The following ECT2L variants were observed in gnomAD, a reference collection of about 807,000 sequenced individuals.
ECT2L encodes epithelial cell transforming 2 like.
A neutral mutation model predicts 122.8 loss-of-function variants in ECT2L; 126 were observed. The ratio of observed to expected loss-of-function variants is 1.03; its 90% CI spans 0.89 to 1.19. The LOEUF (loss-of-function observed/expected upper bound fraction) is 1.19. Ranked by LOEUF, ECT2L falls within the 50% of genes most tolerant of loss-of-function variation. The pLI is 0.00. For synonymous variants in ECT2L, 385 were observed against 381.8 expected (o/e 1.01, Z -0.10); for missense variants, 1,012 against 1,064.1 (o/e 0.95, Z 0.68).
intron 4 of ECT2L, among the ~76,000 whole-genome samples, chr6:138,831,249 TC>T (rs1293822429): frequency 6.6e-6 from 1 of 152,246 alleles, no homozygotes; most frequent in Non-Finnish European, 1.5e-5. Context: ...CTAATTGGTC[TC>T]CCCATCATTC....
intron 8 of ECT2L, among the ~76,000 whole-genome samples, chr6:138,848,281 C>A (rs1219299702): frequency 6.6e-6 from 1 of 152,110 alleles, no homozygotes; most frequent in Non-Finnish European, 1.5e-5. Context: ...AAAAAAGGAG[C>A]ATGCTGATTA....
At chr6:138,857,377 G>A (rs1582622067) in intron 10 of ECT2L, among the ~76,000 whole-genome samples, 1 of 152,112 alleles carries the variant, frequency 6.6e-6, no homozygotes, top group Non-Finnish European at 1.5e-5. Context: ...TAAGTCTGGG[G>A]TGGGGCTGGA....
chr6:138,840,481 G>C (rs1477016020), intron 5 of ECT2L, among the ~76,000 whole-genome samples: 1 of 152,040 alleles, frequency 6.6e-6, no homozygotes, highest in African/African-American at 2.4e-5. Flanking sequence ...TCTAGCACAA[G>C]TGTGCTGCTA....
Position 138,864,979 on chromosome 6 carries a change from G to T in ECT2L, c.1292-17G>T, listed in dbSNP as rs760747509. 2.5e-6 allele frequency: 4 copies of T among 1,603,198 alleles called. No homozygotes were observed. The highest frequency in any genetic ancestry group is 3.4e-6 in the Non-Finnish European group (4 of 1,173,974). The stretch of plus-strand genomic sequence containing the variant: ...TGAGCTCAAGCCTGCAATAATAACA[G>T]AAGAAAATCATGTCAGTTCTTAGTG... On this transcript the variant is annotated splice_polypyrimidine_tract_variant and intron_variant, in intron 11 of 21. Coordinates refer to ENST00000541398, the MANE Select transcript of ECT2L (RefSeq NM_001077706.3).
At chr6:138,809,526 T>G (rs1300026143) in intron 1 of ECT2L, among the ~76,000 whole-genome samples, 3 of 152,232 alleles carry the variant, frequency 2.0e-5, no homozygotes, top group African/African-American at 4.8e-5. Flanking sequence ...TCTCTTTTTT[T>G]TTGTTCATAA....
chr6:138,821,407 A>C (rs1776264021), intron 4 of ECT2L, among the ~76,000 whole-genome samples: 1 of 152,060 alleles, frequency 6.6e-6, no homozygotes, highest in Non-Finnish European at 1.5e-5. Flanking sequence ...CTCTGTAGCC[A>C]TGGCTTTCTC....
In ECT2L at chr6:138,881,105, C is replaced by A; in HGVS notation, c.1814C>A (p.Ala605Glu). Residue 605 changes from alanine (A) to glutamate (E), a missense_variant, in exon 15 of 22, where the codon GCG becomes GAG. By Grantham distance (107) the Ala-to-Glu change is moderately radical (BLOSUM62 -1). Coordinates refer to ENST00000541398, the MANE Select transcript of ECT2L (RefSeq NM_001077706.3). Reference protein sequence around the residue: ...PLKAALSSNRAILSAANIQII... With the variant: ...PLKAALSSNREILSAANIQII... ...AAAGCAGCATTGTCATCAAACAGAGCGATTCTGAGTGCTGCCAATATCCAG... is the reference window on the plus strand; with the variant it reads ...AAAGCAGCATTGTCATCAAACAGAGAGATTCTGAGTGCTGCCAATATCCAG... 1.2e-6 allele frequency: 2 copies of A among 1,614,082 alleles called. No individual in the cohort carries two copies. Among genetic ancestry groups the A allele is most frequent in the Non-Finnish European group, 1.7e-6 (2 of 1,180,006 alleles).
chr6:138,846,642 TTCATGTTAATA>T lies in ECT2L; in HGVS notation c.873_883del (p.Met291IlefsTer7), dbSNP rs1777232345. The T allele has an allele frequency of 6.2e-7, 1 of 1,609,236 alleles. No individual in the cohort carries two copies. The highest frequency in any genetic ancestry group is 1.1e-5 in the South Asian group (1 of 90,036). On this transcript the variant is annotated frameshift_variant, in exon 8 of 22. Coordinates refer to ENST00000541398, the MANE Select transcript of ECT2L (RefSeq NM_001077706.3). LOFTEE classifies it high-confidence loss of function. ...ATCTTCATATGCTCTCCGGCCACAC[TTCATGTTAATA>T]TCATCCCGGATTCCTGCGTATGAGG...
In ECT2L at chr6:138,901,049, AAAC is replaced by A; in HGVS notation, c.2520_2522del (p.Thr841del). 1.9e-6 allele frequency: 3 copies of A among 1,614,162 alleles called. No homozygotes were observed. The highest frequency in any genetic ancestry group is 2.5e-6 in the Non-Finnish European group (3 of 1,180,020). Reference sequence around the variant, plus strand: ...CACACTCCATTTGAGAGGACTTCAAAAACAACCTACCAGTTCATTGCATCAGTG... The same window carrying A: ...CACACTCCATTTGAGAGGACTTCAAAAACCTACCAGTTCATTGCATCAGTG... On this transcript the variant is annotated inframe_deletion, in exon 21 of 22. Coordinates refer to ENST00000541398, the MANE Select transcript of ECT2L (RefSeq NM_001077706.3).
chr6:138,830,647 G>A (rs11155012), intron 4 of ECT2L, among the ~76,000 whole-genome samples: 32,992 of 151,966 alleles, frequency 0.22, 4,060 homozygotes, highest in Middle Eastern at 0.29. Flanking sequence ...TGCAGTTTTC[G>A]GTATGAACAA....
At chr6:138,878,198 A>G (rs1778520965) in intron 14 of ECT2L, among the ~76,000 whole-genome samples, 1 of 152,142 alleles carries the variant, frequency 6.6e-6, no homozygotes, top group African/African-American at 2.4e-5. Context: ...TATAAGAGGT[A>G]TGTACGAAAA....
Position 138,864,994 on chromosome 6 carries a change from A to G in ECT2L, c.1292-2A>G. 6.2e-7 allele frequency: 1 copy of G among 1,610,882 alleles called. No homozygotes were observed. Among genetic ancestry groups the G allele is most frequent in the South Asian group, 1.1e-5 (1 of 90,864 alleles). ...AATAATAACAGAAGAAAATCATGTC[A>G]GTTCTTAGTGATTGGCTGGGATCCC... On this transcript the variant is annotated splice_acceptor_variant, in intron 11 of 21. Coordinates refer to ENST00000541398, the MANE Select transcript of ECT2L (RefSeq NM_001077706.3). LOFTEE classifies it high-confidence loss of function.
chr6:138,841,789 T>C (rs1199257973), intron 5 of ECT2L, among the ~76,000 whole-genome samples: 1 of 152,228 alleles, frequency 6.6e-6, no homozygotes, highest in East Asian at 1.9e-4. Context: ...GATAGCTCTA[T>C]AATATAGCCT....
intron 20 of ECT2L, among the ~76,000 whole-genome samples, chr6:138,899,048 C>G (rs1245244800): frequency 4.0e-5 from 6 of 151,896 alleles, no homozygotes; most frequent in African/African-American, 1.5e-4. Flanking sequence ...AGCCTTTGAC[C>G]AATCCGTCCT....
chr6:138,896,505 T>C (rs945473497), intron 20 of ECT2L, among the ~76,000 whole-genome samples: 6 of 152,214 alleles, frequency 3.9e-5, no homozygotes, highest in African/African-American at 9.6e-5. Context: ...TCAAGGATAC[T>C]AGACTTTGGT....
At chr6:138,893,801 G>A (rs1360050597) in intron 20 of ECT2L, among the ~76,000 whole-genome samples, 2 of 152,094 alleles carry the variant, frequency 1.3e-5, no homozygotes, top group East Asian at 3.9e-4. Flanking sequence ...CATTGTGTGA[G>A]CCCAGAGTTA....
chr6:138,839,625 T>C (rs150884496), intron 5 of ECT2L, among the ~76,000 whole-genome samples: 4,887 of 152,178 alleles, frequency 0.032, 219 homozygotes, highest in African/African-American at 0.11. Context: ...CGGCCTCCCA[T>C]AGTACTGGGA....
intron 16 of ECT2L, among the ~76,000 whole-genome samples, chr6:138,884,717 A>C (rs1778754294): frequency 6.6e-6 from 1 of 152,196 alleles, no homozygotes; most frequent in Admixed American, 6.5e-5. Context: ...AAACGTAATT[A>C]ACAGAAGTAT....
At chr6:138,877,327 C>T (rs750024167) in intron 14 of ECT2L, among the ~76,000 whole-genome samples, 9 of 152,266 alleles carry the variant, frequency 5.9e-5, no homozygotes, top group Middle Eastern at 3.4e-3. Flanking sequence ...TTGCCCCAAA[C>T]CCATCCCTAG....
Sources: gnomAD v4.1 joint callset for allele counts (sites outside exome capture counted in the v4.1 genomes callset) on GRCh38, gnomAD v4.1.1 for gene constraint, MANE v1.5 for transcripts, NCBI Gene and HGNC (gene_info 2026-07-23, HGNC 2026-07-21) for gene names.